The following CNTN5 variants were observed in gnomAD, a reference collection of about 807,000 sequenced individuals.
CNTN5 encodes contactin 5, also known as contactin-5.
CNTN5 carries 77 observed loss-of-function variants against 129.1 expected under a neutral mutation model. The ratio of observed to expected loss-of-function variants is 0.60; its 90% CI spans 0.50 to 0.72. The LOEUF (loss-of-function observed/expected upper bound fraction) is 0.72. CNTN5 is among the 30% of genes least tolerant of loss of function. The pLI is 0.00. For synonymous variants in CNTN5, 509 were observed against 465.6 expected (o/e 1.09, Z -1.20); for missense variants, 1,478 against 1,328.8 (o/e 1.11, Z -1.75).
intron 13 of CNTN5, among the ~76,000 whole-genome samples, chr11:100,172,224 A>G (rs1030669910): frequency 2.0e-5 from 3 of 151,988 alleles, no homozygotes; most frequent in African/African-American, 7.2e-5. Flanking sequence ...CTGCCACCCA[A>G]CTGTAGTTAG....
At chr11:99,695,230 G>A (rs1565435332) in intron 3 of CNTN5, among the ~76,000 whole-genome samples, 1 of 151,922 alleles carries the variant, frequency 6.6e-6, no homozygotes, top group African/African-American at 2.4e-5. Context: ...CTAAGTCAGG[G>A]AAGCAACTTC....
chr11:99,905,043 C>A (rs984973892), intron 6 of CNTN5, among the ~76,000 whole-genome samples: 10 of 152,094 alleles, frequency 6.6e-5, no homozygotes, highest in African/African-American at 2.4e-4. Context: ...TTGATGTTGG[C>A]CCTTTATCAG....
intron 13 of CNTN5, among the ~76,000 whole-genome samples, chr11:100,083,863 A>G (rs1944454196): frequency 6.6e-6 from 1 of 151,818 alleles, no homozygotes; most frequent in South Asian, 2.1e-4. Context: ...TCCTTCAAAT[A>G]TTTTCTTTTT....
In CNTN5 at chr11:99,941,454, C is replaced by T. The variant is rs543106507; in HGVS notation, c.674-15352C>T. Among the ~76,000 whole-genome samples, 3 of 152,008 alleles carry T rather than the reference C, an allele frequency of 2.0e-5. No individual in the cohort carries two copies. The East Asian group carries it at 5.8e-4, about 29-fold the overall frequency. ...TTTATTGTGTACCAGCCACTTTTTA[C>T]ACTACTGAGGAGGTATGGTAATGGA... On this transcript the variant is annotated intron_variant, in intron 7 of 24. Transcript: ENST00000524871.
intron 3 of CNTN5, among the ~76,000 whole-genome samples, chr11:99,805,081 GTCTT>G (rs1397583379): frequency 6.6e-6 from 1 of 152,086 alleles, no homozygotes; most frequent in Non-Finnish European, 1.5e-5. Flanking sequence ...GACAAAGAGA[GTCTT>G]TCTCAGAAGA....
chr11:100,084,415 C>T (rs1276006677), intron 13 of CNTN5, among the ~76,000 whole-genome samples: 2 of 152,040 alleles, frequency 1.3e-5, no homozygotes, highest in Admixed American at 1.3e-4. Flanking sequence ...AAGCATTGTA[C>T]GGTCGAGATT....
Position 100,255,848 on chromosome 11 carries a change from C to T in CNTN5, c.2094C>T (p.His698=), listed in dbSNP as rs1950056108. Residue 698 remains histidine, a synonymous_variant, in exon 17 of 25, where the codon CAC becomes CAT. Transcript: ENST00000524871. ...CCTGGAGCCCAGCAGCTGACAACCA[C>T]AGCCCAATCTCCTCCTACAACCTTC... is the stretch of plus-strand genomic sequence containing the variant. ...TLSWSPAADN[H]SPISSYNLQA... is the part of the protein sequence containing the mutation. 1.2e-6 allele frequency: 2 copies of T among 1,613,888 alleles called. No homozygotes were observed. The highest frequency in any genetic ancestry group is 1.7e-6 in the Non-Finnish European group (2 of 1,179,868).
chr11:99,431,733 G>A lies in CNTN5; in HGVS notation c.-71+106249G>A, dbSNP rs142331543. 3.8e-3 allele frequency among the ~76,000 whole-genome samples: 578 copies of A among 152,244 alleles called. 5 individuals are homozygous for A. The highest frequency in any genetic ancestry group is 0.013 in the African/African-American group (549 of 41,540). On this transcript the variant is annotated intron_variant, in intron 2 of 24. Transcript: ENST00000524871. Reference sequence around the variant, plus strand: ...TCAATTTGAAGTTTATTTTGCCAGCGTTAATGACATGCCTAAAAAAAGGAA... The same window carrying A: ...TCAATTTGAAGTTTATTTTGCCAGCATTAATGACATGCCTAAAAAAAGGAA...
At position 99,128,286 on chromosome 11, in the gene CNTN5, A is replaced by G. The variant is rs571543702; in HGVS notation, c.-210+107016A>G. Among the ~76,000 whole-genome samples, 9 of 152,298 alleles carry G rather than the reference A, an allele frequency of 5.9e-5. 1 individual carries two copies. Among genetic ancestry groups the G allele is most frequent in the Admixed American group, 5.9e-4 (9 of 15,300 alleles). On this transcript the variant is annotated intron_variant, in intron 1 of 24. Transcript: ENST00000524871. The stretch of plus-strand genomic sequence containing the variant: ...TGACCGCCACTACTGTGGCTCTAGT[A>G]GGCAGTTCTCTCCAGCTAGTGCTAC...
At chr11:100,090,632 C>G (rs1462568430) in intron 13 of CNTN5, among the ~76,000 whole-genome samples, 2 of 149,744 alleles carry the variant, frequency 1.3e-5, no homozygotes, top group Admixed American at 6.7e-5. Context: ...GCTAGGAAGT[C>G]CCAGTACAAG....
In CNTN5 at chr11:100,302,752, ACATT is replaced by A. The variant is rs534850444; in HGVS notation, c.2620+3360_2620+3363del. Among the ~76,000 whole-genome samples the A allele has an allele frequency of 1.7e-3, 260 of 151,726 alleles. 1 individual carries two copies. Among genetic ancestry groups the A allele is most frequent in the African/African-American group, 5.8e-3 (240 of 41,474 alleles). On this transcript the variant is annotated intron_variant, in intron 20 of 24. Transcript: ENST00000524871. ...CCCAATGGAACATGGATAATAGATGACATTCATACCCAGAACATGCTTTTATAAG... is the reference window on the plus strand; with the variant it reads ...CCCAATGGAACATGGATAATAGATGACATACCCAGAACATGCTTTTATAAG...
intron 13 of CNTN5, among the ~76,000 whole-genome samples, chr11:100,083,644 G>C (rs1944445814): frequency 6.6e-6 from 1 of 152,086 alleles, no homozygotes; most frequent in Non-Finnish European, 1.5e-5. Context: ...AGTTGAATGA[G>C]AATGGGAAAA....
chr11:99,251,845 G>T (rs945887868), intron 1 of CNTN5, among the ~76,000 whole-genome samples: 2 of 151,978 alleles, frequency 1.3e-5, no homozygotes, highest in African/African-American at 4.8e-5. Context: ...ATATGGAGAA[G>T]CTTTTGTGTC....
intron 3 of CNTN5, among the ~76,000 whole-genome samples, chr11:99,694,681 C>A (rs999148490): frequency 4.6e-5 from 7 of 152,050 alleles, no homozygotes; most frequent in Admixed American, 1.3e-4. Context: ...CCCCCCACCC[C>A]CTGGCAGTCA....
At chr11:100,084,596 A>G (rs927685007) in intron 13 of CNTN5, among the ~76,000 whole-genome samples, 4 of 152,154 alleles carry the variant, frequency 2.6e-5, no homozygotes, top group African/African-American at 9.6e-5. Context: ...CATCATTTCC[A>G]TGAAATATAA....
intron 7 of CNTN5, among the ~76,000 whole-genome samples, chr11:99,919,221 A>G (rs900220024): frequency 1.3e-5 from 2 of 149,992 alleles, no homozygotes; most frequent in Non-Finnish European, 3.0e-5. Flanking sequence ...TAGCATATGC[A>G]TTTGTTGCAG....
chr11:100,081,162 T>A (rs1052957523), intron 13 of CNTN5, among the ~76,000 whole-genome samples: 19 of 152,066 alleles, frequency 1.2e-4, no homozygotes, highest in East Asian at 1.9e-4. Flanking sequence ...TTAGAAAAAA[T>A]TTTAAAATAT....
Position 100,357,389 on chromosome 11 carries a change from G to T in CNTN5, c.*1169G>T, listed in dbSNP as rs1248480702. On this transcript the variant is annotated 3_prime_UTR_variant, in exon 25 of 25. Coordinates refer to ENST00000524871, the MANE Select transcript of CNTN5 (RefSeq NM_014361.4). ...CAGCTAGTCTAGCCAGCTATGCACT[G>T]TTTGATTCTGTGGCTTGGGAAGTAA... 1 of 151,712 alleles carries T rather than the reference G, an allele frequency of 6.6e-6. No homozygotes were observed. Among genetic ancestry groups the T allele is most frequent in the Non-Finnish European group, 1.5e-5 (1 of 67,778 alleles). The allele number at this position is 151,712 out of a possible 1,614,324, so 9.4% of individuals were successfully genotyped here.
chr11:99,485,427 T>C (rs746398308), intron 2 of CNTN5, among the ~76,000 whole-genome samples: 11 of 152,080 alleles, frequency 7.2e-5, no homozygotes, highest in Non-Finnish European at 1.2e-4. Context: ...ATGTAAATAA[T>C]GATCTTTGGA....
Sources: allele counts gnomAD v4.1 joint callset (sites outside exome capture counted in the v4.1 genomes callset), GRCh38; gene constraint gnomAD v4.1.1; transcripts MANE v1.5; gene names NCBI Gene and HGNC (gene_info 2026-07-23, HGNC 2026-07-21).